TAFA5: variants seen among roughly 807,000 people sequenced by gnomAD.
TAFA5 encodes chemokine-like protein TAFA-5.
In TAFA5, 6 loss-of-function variants were observed where a neutral mutation model predicts 15.3. That is an observed-to-expected ratio of 0.39 (90% CI 0.21 to 0.77). The LOEUF (loss-of-function observed/expected upper bound fraction) is 0.77, where lower values mean the gene tolerates loss of function less well. TAFA5 is among the 30% of genes least tolerant of loss of function. The pLI is 0.41. For missense variants in TAFA5, 161 were observed against 193.1 expected, an observed-to-expected ratio of 0.83 and a Z score of 0.98; for synonymous variants, 103 against 80.7, an observed-to-expected ratio of 1.28 and a Z score of -1.48.
intron 1 of TAFA5, among the ~76,000 whole-genome samples, chr22:48,623,286 CGTGGCCCTGCGCGGTG>C (rs1207576062): frequency 1.2e-4 from 16 of 138,800 alleles, no homozygotes; most frequent in African/African-American, 3.5e-4. Context: ...GGACGTGTCG[CGTGGCCCTGCGCGGTG>C]ACCTGTGGGA....
At chr22:48,565,552 T>A (rs140365694) in intron 1 of TAFA5, among the ~76,000 whole-genome samples, 1,720 of 152,354 alleles carry the variant, frequency 0.011, 12 homozygotes, top group Non-Finnish European at 0.02. Context: ...CAGAATCTGA[T>A]GTTTTCCCCC....
chr22:48,655,837 T>TG (rs1555896457), intron 2 of TAFA5, among the ~76,000 whole-genome samples: 1 of 121,930 alleles, frequency 8.2e-6, no homozygotes, highest in Non-Finnish European at 1.7e-5. Flanking sequence ...ATTCTTTTTT[T>TG]TTTTTTTTTT....
chr22:48,624,713 T>G (rs1387570868), intron 1 of TAFA5, among the ~76,000 whole-genome samples: 3 of 152,278 alleles, frequency 2.0e-5, no homozygotes, highest in Middle Eastern at 6.8e-3. Flanking sequence ...CACCAGTGAC[T>G]CCTGGCTCAT....
At position 48,731,478 on chromosome 22, in the gene TAFA5, G is replaced by A. The variant is rs542387143; in HGVS notation, c.391-18361G>A. Among the ~76,000 whole-genome samples, 23 of 152,350 alleles carry A rather than the reference G, an allele frequency of 1.5e-4. No individual in the cohort carries two copies. In the East Asian group the frequency reaches 4.0e-3, roughly 27 times the overall value. ...TAGAGAGAAGTCAGTGCCTGGTTTCGAAGCACCAGAGGACAGGCTGACTCT... is the reference window on the plus strand; with the variant it reads ...TAGAGAGAAGTCAGTGCCTGGTTTCAAAGCACCAGAGGACAGGCTGACTCT... On this transcript the variant is annotated intron_variant, in intron 3 of 3. Transcript: ENST00000402357.
chr22:48,497,443 C>A (rs1280721455), intron 1 of TAFA5, among the ~76,000 whole-genome samples: 1 of 151,676 alleles, frequency 6.6e-6, no homozygotes, highest in Non-Finnish European at 1.5e-5. Context: ...GCTTGAAAGA[C>A]AAGACTGGAG....
chr22:48,728,999 A>C (rs1487281920), intron 3 of TAFA5, among the ~76,000 whole-genome samples: 1 of 152,094 alleles, frequency 6.6e-6, no homozygotes, highest in Non-Finnish European at 1.5e-5. Context: ...AAGTGTATGC[A>C]TAGCTAGTGT....
chr22:48,596,351 C>T (rs1169660873), intron 1 of TAFA5, among the ~76,000 whole-genome samples: 2 of 152,336 alleles, frequency 1.3e-5, no homozygotes, highest in Non-Finnish European at 2.9e-5. Flanking sequence ...GGGATGGCAT[C>T]AGGGCTAAGG....
chr22:48,553,718 C>T (rs1388030574), intron 1 of TAFA5, among the ~76,000 whole-genome samples: 1 of 152,234 alleles, frequency 6.6e-6, no homozygotes, highest in Non-Finnish European at 1.5e-5. Context: ...ACGGCTCTCT[C>T]TCCGGGCTGG....
At chr22:48,542,573 GGTGTGTGTGCGGGTGTGTGGTGTGT>G (rs1195745242) in intron 1 of TAFA5, among the ~76,000 whole-genome samples, 1 of 118,372 alleles carries the variant, frequency 8.4e-6, no homozygotes, top group African/African-American at 3.3e-5. Context: ...TGGTGTGTGT[GGTGTGTGTGCGGGTGTGTGGTGTGT>G]ATGTGTGTGT....
chr22:48,695,541 G>A (rs1432184434), intron 2 of TAFA5, among the ~76,000 whole-genome samples: 1 of 152,196 alleles, frequency 6.6e-6, no homozygotes, highest in Non-Finnish European at 1.5e-5. Flanking sequence ...TAATGTTATG[G>A]CCACGGTCTC....
chr22:48,563,798 C>A (rs1290581811), intron 1 of TAFA5, among the ~76,000 whole-genome samples: 1 of 152,248 alleles, frequency 6.6e-6, no homozygotes, highest in Non-Finnish European at 1.5e-5. Flanking sequence ...AGGACCCACG[C>A]CAGGTGGCAG....
At chr22:48,615,144 G>A (rs895153757) in intron 1 of TAFA5, among the ~76,000 whole-genome samples, 1 of 152,178 alleles carries the variant, frequency 6.6e-6, no homozygotes, top group Non-Finnish European at 1.5e-5. Flanking sequence ...CCTGAACCCA[G>A]GCTGCCTGGA....
intron 1 of TAFA5, among the ~76,000 whole-genome samples, chr22:48,639,827 G>A (rs749099612): frequency 6.6e-6 from 1 of 152,152 alleles, no homozygotes; most frequent in Non-Finnish European, 1.5e-5. Context: ...ATCACCTGCC[G>A]GGGTCCTGGA....
intron 1 of TAFA5, among the ~76,000 whole-genome samples, chr22:48,562,817 TGAGA>T (rs955208885): frequency 6.6e-6 from 1 of 152,126 alleles, no homozygotes; most frequent in South Asian, 2.1e-4. Context: ...ACCCCCACAG[TGAGA>T]GAGGACTCAC....
chr22:48,721,029 C>T (rs923079582), intron 3 of TAFA5, among the ~76,000 whole-genome samples: 1 of 152,196 alleles, frequency 6.6e-6, no homozygotes. Context: ...GGCGCTAAGG[C>T]CACTGTCCCC....
chr22:48,489,628 T>A lies in TAFA5; in HGVS notation c.36T>A (p.Asp12Glu). The change falls in exon 1 of 4, where the codon GAT becomes GAA. Residue 12 changes from aspartate to glutamate, a missense_variant. Physicochemically the swap from Asp to Glu is conservative, Grantham distance 45. Transcript: ENST00000402357. This position sits in a 1 kb window ranked among gnomAD's most constrained non-coding sequence, Gnocchi z 5.5. ...APSPRTGSRQ[D>E]ATALPSMSST... Reference sequence around the variant, plus strand: ...CGCCCAGGACCGGCAGCCGGCAAGATGCGACCGCCCTGCCCAGCATGTCCT... The same window carrying A: ...CGCCCAGGACCGGCAGCCGGCAAGAAGCGACCGCCCTGCCCAGCATGTCCT... 1 of 1,513,504 alleles carries A rather than the reference T, an allele frequency of 6.6e-7. No individual in the cohort carries two copies. The highest frequency in any genetic ancestry group is 8.9e-7 in the Non-Finnish European group (1 of 1,129,906). 93.8% of individuals were successfully genotyped at this position (1,513,504 alleles called of 1,614,324 possible).
Position 48,550,815 on chromosome 22 carries a change from C to T in TAFA5, c.112+61111C>T, listed in dbSNP as rs1042228402. 1.3e-5 allele frequency among the ~76,000 whole-genome samples: 2 copies of T among 152,206 alleles called. No individual in the cohort carries two copies. The highest frequency in any genetic ancestry group is 4.8e-5 in the African/African-American group (2 of 41,550). ...TGACCTTCTTGTTCTCGGGAAAGAG[C>T]GGTGCCTCCAGGATTCAGGCCTGAG... On this transcript the variant is annotated intron_variant, in intron 1 of 3. Coordinates refer to ENST00000402357, the MANE Select transcript of TAFA5 (RefSeq NM_001082967.3). The surrounding 1 kb of genome is among the most constrained non-coding windows in gnomAD (Gnocchi z 4.1).
rs141155378 is a variant in TAFA5, at chr22:48,505,969, A to T, written c.112+16265A>T. On this transcript the variant is annotated intron_variant, in intron 1 of 3. Coordinates refer to ENST00000402357, the MANE Select transcript of TAFA5 (RefSeq NM_001082967.3). ...TACAGAGACACTCTAATGGGACAGG[A>T]CATTCCAGGGTCTCAGAACTCACTC... 2.8e-3 allele frequency among the ~76,000 whole-genome samples: 421 copies of T among 152,312 alleles called. 2 individuals carry two copies. The highest frequency in any genetic ancestry group is 9.7e-3 in the African/African-American group (404 of 41,584).
intron 3 of TAFA5, among the ~76,000 whole-genome samples, chr22:48,719,774 C>T (rs758967426): frequency 2.0e-5 from 3 of 152,216 alleles, no homozygotes; most frequent in South Asian, 2.1e-4. Context: ...TTTGAATCAC[C>T]GCTATTCATC....
Sources: gnomAD v4.1 joint callset for allele counts (sites outside exome capture counted in the v4.1 genomes callset) on GRCh38, gnomAD v4.1.1 for gene constraint, Gnocchi (gnomAD v3.1) non-coding constraint, MANE v1.5 for transcripts, NCBI Gene and HGNC (gene_info 2026-07-23, HGNC 2026-07-21) for gene names.